DUSP29: variants seen among roughly 807,000 people sequenced by gnomAD.
The protein encoded by DUSP29 is dual specificity phosphatase 29.
DUSP29 carries 12 observed loss-of-function variants against 13.5 expected under a neutral mutation model. The ratio of observed to expected loss-of-function variants is 0.89; its 90% CI spans 0.57 to 1.44. The LOEUF is 1.44. DUSP29 is among the 40% of genes most tolerant of loss of function. The pLI is 0.00. For synonymous variants in DUSP29, 134 were observed against 128.7 expected, an observed-to-expected ratio of 1.04 and a Z score of -0.28; for missense variants, 308 against 301.1, an observed-to-expected ratio of 1.02 and a Z score of -0.17.
chr10:75,040,088 A>G (rs1419881161), intron 3 of DUSP29, among the ~76,000 whole-genome samples: 1 of 152,062 alleles, frequency 6.6e-6, no homozygotes, highest in Non-Finnish European at 1.5e-5. Context: ...AAAGAGGAGA[A>G]TCGCTTGAAT....
chr10:75,067,767 C>T (rs577898401), intron 1 of DUSP29, among the ~76,000 whole-genome samples: 13 of 152,112 alleles, frequency 8.5e-5, no homozygotes, highest in Non-Finnish European at 1.8e-4. Context: ...TCAAGACTAG[C>T]CTGGGCAACA....
rs530318695 is a variant in DUSP29 at position 75,073,621 on chromosome 10, T to C, written c.-87A>G. ...GGGAGGTTCTGGTCCGTGGGGCATG[T>C]AGCAGCCGCACGCCCAGCCACCCCC... On this transcript the variant is annotated 5_prime_UTR_variant, in exon 1 of 4. Transcript: ENST00000338487. 6.9e-4 allele frequency among the ~76,000 whole-genome samples: 105 copies of C among 152,340 alleles called. 1 individual carries two copies. The highest frequency in any genetic ancestry group is 2.5e-3 in the African/African-American group (102 of 41,584).
intron 3 of DUSP29, among the ~76,000 whole-genome samples, chr10:75,040,365 G>T (rs922482743): frequency 6.6e-5 from 10 of 152,180 alleles, no homozygotes; most frequent in African/African-American, 2.4e-4. Context: ...TGATACTAAA[G>T]TCTGATCTTT....
At chr10:75,041,358 A>G (rs1165437951) in intron 3 of DUSP29, among the ~76,000 whole-genome samples, 3 of 152,220 alleles carry the variant, frequency 2.0e-5, no homozygotes, top group Non-Finnish European at 1.5e-5. Context: ...ATCTGTTGCC[A>G]AGACCTAAAA....
chr10:75,067,858 G>C (rs542132292), intron 1 of DUSP29, among the ~76,000 whole-genome samples: 5 of 152,040 alleles, frequency 3.3e-5, no homozygotes, highest in Admixed American at 3.3e-4. Flanking sequence ...TGTCGCCCAG[G>C]CTGGAGTAAA....
chr10:75,048,420 T>C (rs1192775527), intron 2 of DUSP29, among the ~76,000 whole-genome samples: 1 of 148,482 alleles, frequency 6.7e-6, no homozygotes, highest in Admixed American at 6.8e-5. Flanking sequence ...TGAGACAGAG[T>C]CTCGCTCTGT....
chr10:75,051,548 G>A (rs190162283), intron 2 of DUSP29, among the ~76,000 whole-genome samples: 122 of 152,260 alleles, frequency 8.0e-4, no homozygotes, highest in Admixed American at 2.2e-3. Context: ...AGTATGCCCC[G>A]CTGCAGGCCC....
At chr10:75,046,121 A>C (rs1032498432) in intron 2 of DUSP29, among the ~76,000 whole-genome samples, 1 of 151,542 alleles carries the variant, frequency 6.6e-6, no homozygotes, top group African/African-American at 2.4e-5. Context: ...TTAAAAAAAA[A>C]AGAAAAGAAA....
intron 2 of DUSP29, among the ~76,000 whole-genome samples, chr10:75,056,719 G>C (rs1372472978): frequency 6.6e-6 from 1 of 151,876 alleles, no homozygotes; most frequent in Non-Finnish European, 1.5e-5. Flanking sequence ...TCCTTATGTT[G>C]GCAATAGCCC....
At chr10:75,056,180 GGAT>G (rs1846954429) in intron 2 of DUSP29, among the ~76,000 whole-genome samples, 1 of 151,742 alleles carries the variant, frequency 6.6e-6, no homozygotes, top group South Asian at 2.1e-4. Flanking sequence ...CAAAGTATTG[GGAT>G]TACAGGTGTG....
At chr10:75,069,036 C>T (rs1481503580) in intron 1 of DUSP29, among the ~76,000 whole-genome samples, 1 of 151,846 alleles carries the variant, frequency 6.6e-6, no homozygotes, top group African/African-American at 2.4e-5. Context: ...ATATAAAATC[C>T]TTTTATTAAA....
chr10:75,045,221 A>G (rs1846680301), intron 2 of DUSP29, among the ~76,000 whole-genome samples: 1 of 152,114 alleles, frequency 6.6e-6, no homozygotes, highest in Non-Finnish European at 1.5e-5. Flanking sequence ...AAAACAAAAA[A>G]CAGCCAGGTG....
chr10:75,038,484 T>C (rs1256053177), intron 3 of DUSP29, among the ~76,000 whole-genome samples: 1 of 152,064 alleles, frequency 6.6e-6, no homozygotes, highest in Non-Finnish European at 1.5e-5. Flanking sequence ...GCTGGATGAA[T>C]GTCCACCCCT....
intron 1 of DUSP29, 64 bp from the exon 2 acceptor site, chr10:75,058,612 AC>A: frequency 1.5e-6 from 2 of 1,346,336 alleles, no homozygotes; most frequent in Non-Finnish European, 2.1e-6. Context: ...AATAGGCTTT[AC>A]AAAAAGAGGT....
intron 2 of DUSP29, among the ~76,000 whole-genome samples, chr10:75,048,683 G>T (rs1846756866): frequency 6.6e-6 from 1 of 152,198 alleles, no homozygotes; most frequent in Admixed American, 6.5e-5. Flanking sequence ...TCTTAACCGT[G>T]CAGTCTTGAG....
chr10:75,044,163 T>TA (rs2134283283), intron 2 of DUSP29, 146 bp from the exon 3 acceptor site: 1 of 795,170 alleles, frequency 1.3e-6, no homozygotes, highest in South Asian at 1.8e-5. Flanking sequence ...GCTCTGCTCT[T>TA]ACCCGGTCCC....
intron 2 of DUSP29, among the ~76,000 whole-genome samples, chr10:75,055,938 G>T (rs1338993594): frequency 6.6e-6 from 1 of 152,076 alleles, no homozygotes; most frequent in Admixed American, 6.5e-5. Context: ...GAGACAAACT[G>T]TTGCTCTATC....
rs772747781 is a variant in DUSP29 at position 75,058,506 on chromosome 10, A to C, written c.9T>G (p.Ser3=). MT[S]GEVKTSLKNA... is the part of the protein sequence containing the mutation. The stretch of plus-strand genomic sequence containing the variant: ...TCTTGAGGCTTGTCTTCACTTCTCC[A>C]GATGTCATTTTAGAGCCAAGGGATT... Residue 3 remains serine, a synonymous_variant, in exon 2 of 4, where the codon TCT becomes TCG. Transcript: ENST00000338487. 2 of 1,614,168 alleles carry C rather than the reference A, an allele frequency of 1.2e-6. No homozygotes were observed. The highest frequency in any genetic ancestry group is 4.5e-5 in the East Asian group (2 of 44,888).
chr10:75,062,540 G>A (rs543355664), intron 1 of DUSP29, among the ~76,000 whole-genome samples: 6 of 152,304 alleles, frequency 3.9e-5, no homozygotes, highest in South Asian at 2.1e-4. Context: ...AGCTTGGCAC[G>A]CAGAGTGAGC....
Sources: gnomAD v4.1 joint callset for allele counts (sites outside exome capture counted in the v4.1 genomes callset) on GRCh38, gnomAD v4.1.1 for gene constraint, MANE v1.5 for transcripts, NCBI Gene and HGNC (gene_info 2026-07-23, HGNC 2026-07-21) for gene names.